LARP4B: variants seen among roughly 807,000 people sequenced by gnomAD.
The protein encoded by LARP4B is la-related protein 4B.
In LARP4B, 12 loss-of-function variants were observed where a neutral mutation model predicts 89.8. That is an observed-to-expected ratio of 0.13 (90% confidence interval 0.09 to 0.22). LARP4B has a LOEUF of 0.22. Among genes scored for constraint, LARP4B ranks in the 10% least tolerant of loss-of-function variants. LARP4B has a pLI of 1.00. For missense variants in LARP4B, 757 were observed against 947.7 expected, an observed-to-expected ratio of 0.80 and a Z score of 2.64; for synonymous variants, 367 against 363.3, an observed-to-expected ratio of 1.01 and a Z score of -0.12.
chr10:948,991 C>G, the LARP4B span, among the ~76,000 whole-genome samples: 2 of 152,226 alleles, frequency 1.3e-5, no homozygotes, highest in African/African-American at 4.8e-5. Context: ...GAACGTCAGT[C>G]TTCGTTTTCT....
chr10:819,073 C>T (rs569733394), intron 14 of LARP4B: 62 of 152,346 alleles, frequency 4.1e-4, no homozygotes, highest in African/African-American at 1.4e-3. Context: ...TACTGAGCAG[C>T]TGGCTGTTGT....
At chr10:929,167 T>C (rs1022124200) in intron 1 of LARP4B, among the ~76,000 whole-genome samples, 1 of 152,190 alleles carries the variant, frequency 6.6e-6, no homozygotes, top group African/African-American at 2.4e-5. Context: ...TCTCCAAATA[T>C]GCATTCTGTG....
chr10:845,432 AAAC>A (rs1373129400), intron 5 of LARP4B, among the ~76,000 whole-genome samples: 1 of 152,242 alleles, frequency 6.6e-6, no homozygotes, highest in East Asian at 1.9e-4. Context: ...GAAAAAATTA[AAAC>A]AACAACAACA....
At chr10:807,676 C>T (rs1034585102), downstream of LARP4B, 2 of 152,506 alleles carry the variant, frequency 1.3e-5, no homozygotes, top group Admixed American at 6.5e-5. Flanking sequence ...TCCACCAGGG[C>T]AGGGCTAAGC....
chr10:855,360 T>C (rs748441372), intron 5 of LARP4B, among the ~76,000 whole-genome samples: 2 of 152,192 alleles, frequency 1.3e-5, no homozygotes, highest in African/African-American at 2.4e-5. Flanking sequence ...TTCTAGTTTT[T>C]GATTAAAAGT....
At chr10:823,325 A>G (rs1453895577) in intron 13 of LARP4B, among the ~76,000 whole-genome samples, 6 of 152,048 alleles carry the variant, frequency 3.9e-5, no homozygotes, top group Non-Finnish European at 7.4e-5. Context: ...CTTGGTGGGG[A>G]GAGAGAGGGT....
At chr10:914,815 C>T (rs549632073) in intron 1 of LARP4B, among the ~76,000 whole-genome samples, 36 of 148,258 alleles carry the variant, frequency 2.4e-4, no homozygotes, top group Non-Finnish European at 4.9e-4. Flanking sequence ...CCGCCCCCAC[C>T]GCCCACCCCC....
intron 1 of LARP4B, among the ~76,000 whole-genome samples, chr10:897,467 G>A: frequency 6.6e-6 from 1 of 152,070 alleles, no homozygotes; most frequent in Non-Finnish European, 1.5e-5. Context: ...TTAGGCAATG[G>A]TTTATTAATT....
chr10:956,414 C>T, the LARP4B span, among the ~76,000 whole-genome samples: 6 of 151,452 alleles, frequency 4.0e-5, no homozygotes, highest in South Asian at 2.1e-4. This position sits in a 1 kb window ranked among gnomAD's most constrained non-coding sequence, Gnocchi z 4.3. Context: ...GGCGCGATCT[C>T]GGCTCACTGC....
chr10:895,715 A>T (rs1410045384), intron 1 of LARP4B, among the ~76,000 whole-genome samples: 3 of 151,866 alleles, frequency 2.0e-5, no homozygotes, highest in Admixed American at 6.6e-5. Context: ...CGAATGCAGT[A>T]TGTTACAATT....
the LARP4B span, among the ~76,000 whole-genome samples, chr10:984,240 G>A: frequency 2.0e-4 from 30 of 152,212 alleles, no homozygotes; most frequent in African/African-American, 6.5e-4. Context: ...TGCTTATCTC[G>A]AGTATCTTTT....
At position 814,826 on chromosome 10, in the gene LARP4B, C is replaced by G. The variant is rs373303689; in HGVS notation, c.1845G>C (p.Gln615His). The G allele has an allele frequency of 1.3e-4, 214 of 1,596,188 alleles. No homozygotes were observed. The highest frequency in any genetic ancestry group is 1.8e-4 in the Non-Finnish European group (209 of 1,166,256). ...GTCTGTCCACACTGTGGGTTTCCCT[C>G]TGTTTCTCCGCCACCTTGGGATCAC... ...LPDDPKVAEK[Q>H]RETHSVDRLP... Residue 615 changes from glutamine (Q) to histidine (H), a missense_variant, in exon 17 of 18, where the codon CAG becomes CAC. By Grantham distance (24) the Gln-to-His change is conservative. Around this residue, in one of 5 missense-constraint regions of LARP4B, gnomAD observed 387 missense variants for 423.6 expected, o/e 0.91. Transcript: ENST00000316157. This position sits in a 1 kb window ranked among gnomAD's most constrained non-coding sequence, Gnocchi z 4.4.
the LARP4B span, among the ~76,000 whole-genome samples, chr10:957,074 C>T: frequency 6.6e-6 from 1 of 152,192 alleles, no homozygotes; most frequent in Non-Finnish European, 1.5e-5. Flanking sequence ...CAGCCCTGCT[C>T]ACTGTTCAGA....
At chr10:858,880 A>G (rs2131817238) in intron 5 of LARP4B, among the ~76,000 whole-genome samples, 1 of 152,340 alleles carries the variant, frequency 6.6e-6, no homozygotes, top group South Asian at 2.1e-4. Flanking sequence ...GGCTGGGCGC[A>G]GTGGCTCATG....
chr10:910,967 CCTAAACA>C (rs1365872859), intron 1 of LARP4B, among the ~76,000 whole-genome samples: 1 of 152,136 alleles, frequency 6.6e-6, no homozygotes, highest in Admixed American at 6.5e-5. Context: ...ACACTTAGAC[CCTAAACA>C]CATTCCCAGC....
At chr10:942,347 A>T in the LARP4B span, 1 of 152,266 alleles carries the variant, frequency 6.6e-6, no homozygotes, top group Non-Finnish European at 1.5e-5. Context: ...CAGGATCCCG[A>T]TCCCTCACTG....
upstream of LARP4B, among the ~76,000 whole-genome samples, chr10:932,758 G>A (rs536535455): frequency 9.2e-6 from 1 of 108,700 alleles, no homozygotes; most frequent in Non-Finnish European, 1.9e-5. Flanking sequence ...CGAAGGTCCC[G>A]GCCCCGAAGT....
downstream of LARP4B, chr10:808,155 G>T (rs1038832722): frequency 6.6e-6 from 1 of 152,248 alleles, no homozygotes; most frequent in Non-Finnish European, 1.5e-5. Context: ...GACCCCAGCA[G>T]AGCCCTGCAG....
At chr10:850,478 C>T (rs185411480) in intron 5 of LARP4B, among the ~76,000 whole-genome samples, 7 of 152,208 alleles carry the variant, frequency 4.6e-5, no homozygotes, top group Admixed American at 6.5e-5. Flanking sequence ...CTTCAAAATA[C>T]GTGAAGCAAA....
Sources: gnomAD v4.1 joint callset for allele counts (sites outside exome capture counted in the v4.1 genomes callset) on GRCh38, gnomAD v4.1.1 for gene constraint, gnomAD v4.1.1 regional missense constraint, Gnocchi (gnomAD v3.1) non-coding constraint, MANE v1.5 for transcripts, NCBI Gene and HGNC (gene_info 2026-07-23, HGNC 2026-07-21) for gene names.